The following HIPK3 variants were observed in gnomAD, a reference collection of about 807,000 sequenced individuals.
The protein encoded by HIPK3 is homeodomain interacting protein kinase 3, also known as homeodomain-interacting protein kinase 3.
A neutral mutation model predicts 124.2 loss-of-function variants in HIPK3; 47 were observed. The observed-to-expected ratio is 0.38, with a 90% CI of 0.30 to 0.48. HIPK3 has a LOEUF of 0.48. HIPK3 is among the 20% of genes least tolerant of loss of function. The pLI is 0.98. For missense variants in HIPK3, 1,286 were observed against 1,454.3 expected (o/e 0.88, Z 1.88); for synonymous variants, 482 against 515.2 (o/e 0.94, Z 0.87).
At chr11:33,306,938 CTT>C (rs371207899) in intron 2 of HIPK3, among the ~76,000 whole-genome samples, 10 of 136,640 alleles carry the variant, frequency 7.3e-5, no homozygotes, top group Non-Finnish European at 8.0e-5. Flanking sequence ...GATGCATCCA[CTT>C]TTTTTTTTTT....
At chr11:33,261,275 T>G (rs1338803730) in intron 1 of HIPK3, among the ~76,000 whole-genome samples, 1 of 151,260 alleles carries the variant, frequency 6.6e-6, no homozygotes, top group African/African-American at 2.4e-5. Flanking sequence ...GGTAAACTTG[T>G]GTCATGTGTG....
intron 14 of HIPK3, among the ~76,000 whole-genome samples, chr11:33,349,974 A>G (rs754959324): frequency 1.3e-5 from 2 of 152,024 alleles, no homozygotes; most frequent in Non-Finnish European, 2.9e-5. Context: ...TCACCAGGAC[A>G]TGCTGGTCTT....
intron 9 of HIPK3, 77 bp from the exon 10 acceptor site, chr11:33,347,552 G>C (rs1404912732): frequency 2.5e-6 from 4 of 1,576,926 alleles, no homozygotes; most frequent in Middle Eastern, 1.7e-4. Context: ...CTTTTAGATA[G>C]TTTTGAGTTT....
At chr11:33,338,323 T>G (rs1381936822) in intron 4 of HIPK3, among the ~76,000 whole-genome samples, 1 of 152,182 alleles carries the variant, frequency 6.6e-6, no homozygotes, top group African/African-American at 2.4e-5. Context: ...AACCTCCGCC[T>G]CCCAGGTTCA....
At chr11:33,261,665 T>A (rs139453758) in intron 1 of HIPK3, among the ~76,000 whole-genome samples, 1,562 of 152,364 alleles carry the variant, frequency 0.01, 7 homozygotes, top group Non-Finnish European at 0.015. Context: ...TTGTGAATAG[T>A]GTTACAGTGA....
intron 7 of HIPK3, 21 bp downstream of exon 7, chr11:33,341,148 A>G (rs781302787): frequency 1.3e-6 from 2 of 1,526,412 alleles, no homozygotes; most frequent in Non-Finnish European, 1.8e-6. Flanking sequence ...GTAGTAATTA[A>G]TAACTTAGGG....
chr11:33,257,906 A>T lies in HIPK3; in HGVS notation c.-3+17A>T. 1.0e-6 allele frequency: 1 copy of T among 985,402 alleles called. No individual in the cohort carries two copies. The highest frequency in any genetic ancestry group is 4.7e-5 in the South Asian group (1 of 21,282). 61.0% of individuals were successfully genotyped at this position (985,402 alleles called of 1,614,324 possible). On this transcript the variant is annotated intron_variant, in intron 1 of 16. Coordinates refer to ENST00000303296, the MANE Select transcript of HIPK3 (RefSeq NM_005734.5). ...TCTAGGAAGGTAAGGGAGTCGAGCG[A>T]GGGGCGCCGCCACCCCGGGGTGGGG...
intron 1 of HIPK3, among the ~76,000 whole-genome samples, chr11:33,275,274 G>A (rs1451783691): frequency 4.6e-5 from 7 of 152,112 alleles, no homozygotes; most frequent in Non-Finnish European, 1.0e-4. Context: ...TCCTGACCTC[G>A]TGATCCGCCC....
At chr11:33,301,783 C>A (rs1025654058) in intron 2 of HIPK3, among the ~76,000 whole-genome samples, 1 of 142,220 alleles carries the variant, frequency 7.0e-6, no homozygotes, top group African/African-American at 2.6e-5. Flanking sequence ...GATTGTGTCA[C>A]TGTACTCCAG....
At chr11:33,346,339 A>G (rs148060428) in intron 8 of HIPK3, among the ~76,000 whole-genome samples, 55 of 152,320 alleles carry the variant, frequency 3.6e-4, no homozygotes, top group Non-Finnish European at 6.6e-4. Flanking sequence ...GCTCTCTGCT[A>G]AGAATACTAG....
rs995165325 is a variant in HIPK3 at position 33,330,765 on chromosome 11, G to A, written c.1221+2132G>A. ...TTCAAGCATGGTATTTGTTATAAAG[G>A]CTTTGATAAATTTTGATAATTTTTT... On this transcript the variant is annotated intron_variant, in intron 3 of 16. Transcript: ENST00000303296. Among the ~76,000 whole-genome samples, 4 of 151,694 alleles carry A rather than the reference G, an allele frequency of 2.6e-5. No homozygotes were observed. In the South Asian group the frequency reaches 8.3e-4, roughly 31 times the overall value.
intron 1 of HIPK3, among the ~76,000 whole-genome samples, chr11:33,274,184 G>A (rs975104749): frequency 3.9e-5 from 6 of 152,074 alleles, no homozygotes; most frequent in Non-Finnish European, 5.9e-5. Context: ...TCAGCAGTGG[G>A]CATTCGGTCA....
chr11:33,337,393 T>C (rs968408950), intron 4 of HIPK3, among the ~76,000 whole-genome samples, 199 bp downstream of exon 4: 4 of 152,194 alleles, frequency 2.6e-5, no homozygotes, highest in African/African-American at 9.6e-5. Flanking sequence ...TTTCTCTCTC[T>C]CGCCCAGGCT....
intron 1 of HIPK3, among the ~76,000 whole-genome samples, chr11:33,265,173 C>T (rs1205562042): frequency 6.6e-6 from 1 of 152,156 alleles, no homozygotes; most frequent in Non-Finnish European, 1.5e-5. Context: ...ATGAAAATTA[C>T]AGGTTATGCT....
At chr11:33,352,984 A>T in intron 16 of HIPK3, 108 bp from the exon 17 acceptor site, 3 of 663,508 alleles carry the variant, frequency 4.5e-6, no homozygotes, top group Non-Finnish European at 5.2e-6. Flanking sequence ...TGAGAGATCC[A>T]CTATGAGTTA....
chr11:33,346,933 G>A (rs1250274823), intron 8 of HIPK3, among the ~76,000 whole-genome samples: 1 of 152,124 alleles, frequency 6.6e-6, no homozygotes, highest in Admixed American at 6.5e-5. Context: ...TCATGCCTGT[G>A]ATACCAGAAA....
At chr11:33,317,248 A>T (rs1322343783) in intron 2 of HIPK3, among the ~76,000 whole-genome samples, 2 of 148,852 alleles carry the variant, frequency 1.3e-5, no homozygotes, top group African/African-American at 2.5e-5. Flanking sequence ...CTGGGATTAC[A>T]GGCGTGAGCC....
intron 8 of HIPK3, 59 bp from the exon 9 acceptor site, chr11:33,347,234 G>T: frequency 6.9e-6 from 10 of 1,458,974 alleles, no homozygotes; most frequent in Non-Finnish European, 9.3e-6. Flanking sequence ...TAAAATAATT[G>T]TATAAGTTAA....
At position 33,341,605 on chromosome 11, in the gene HIPK3, C is replaced by A; in HGVS notation, c.1816C>A (p.Pro606Thr). 6.2e-7 allele frequency: 1 copy of A among 1,613,818 alleles called. No homozygotes were observed. Among genetic ancestry groups the A allele is most frequent in the Middle Eastern group, 1.6e-4 (1 of 6,062 alleles). ...TCATTCAGTTGTGCACCATGGAATA[C>A]CTCTGCAGGCAGGAACTGCTCAGTT... ...SAHSVVHHGI[P>T]LQAGTAQFGC... The change falls in exon 8 of 17, where the codon CCT (proline) becomes ACT (threonine). Residue 606 changes from proline to threonine, a missense_variant. Pro to Thr is a conservative substitution (Grantham distance 38). This residue lies in a region of HIPK3 where 810 missense variants were observed against 864.9 expected (regional missense o/e 0.94). Transcript: ENST00000303296.
Sources: gnomAD v4.1 joint callset for allele counts (sites outside exome capture counted in the v4.1 genomes callset) on GRCh38, gnomAD v4.1.1 for gene constraint, gnomAD v4.1.1 regional missense constraint, MANE v1.5 for transcripts, NCBI Gene and HGNC (gene_info 2026-07-23, HGNC 2026-07-21) for gene names.